The following KCTD16 variants were observed in gnomAD, a reference collection of about 807,000 sequenced individuals.
KCTD16 encodes BTB/POZ domain-containing protein KCTD16.
Under a neutral mutation model 33.2 loss-of-function variants are expected in KCTD16, and 13 were observed. The ratio of observed to expected loss-of-function variants is 0.39; its 90% confidence interval spans 0.25 to 0.62. The LOEUF (loss-of-function observed/expected upper bound fraction) is 0.62, where lower values mean the gene tolerates loss of function less well. Among genes scored for constraint, KCTD16 ranks in the 20% least tolerant of loss-of-function variants. The pLI, the probability that KCTD16 is intolerant of heterozygous loss-of-function variation, is 0.50. For missense variants in KCTD16, 441 were observed against 525.1 expected, an observed-to-expected ratio of 0.84 and a Z score of 1.57; for synonymous variants, 197 against 195.3, an observed-to-expected ratio of 1.01 and a Z score of -0.07.
In KCTD16 at chr5:144,478,129, C is replaced by A. The variant is rs1483674294; in HGVS notation, c.*4015C>A. 1.3e-5 allele frequency: 2 copies of A among 151,866 alleles called. No homozygotes were observed. The highest frequency in any genetic ancestry group is 2.9e-5 in the Non-Finnish European group (2 of 67,918). The allele number at this position is 151,866 out of a possible 1,614,324, so 9.4% of individuals were successfully genotyped here. On this transcript the variant is annotated 3_prime_UTR_variant, in exon 4 of 4. Coordinates refer to ENST00000512467, the MANE Select transcript of KCTD16 (RefSeq NM_020768.4). ...CCCACAGTTTCAATTTATTTATTTT[C>A]TTTTATATTGTCAAAATAGCACACT...
In KCTD16 at chr5:144,485,552, G is replaced by T. The variant is rs954862902; in HGVS notation, c.*11438G>T. The T allele has an allele frequency of 6.6e-6, 1 of 151,844 alleles. No homozygotes were observed. Among genetic ancestry groups the T allele is most frequent in the African/African-American group, 2.4e-5 (1 of 41,388 alleles). 9.4% of individuals were successfully genotyped at this position (151,844 alleles called of 1,614,324 possible). ...TTCTGTGGATATATTTTAAAAGGAA[G>T]AACAGAAACTATATTTCAGATTCTT... On this transcript the variant is annotated 3_prime_UTR_variant, in exon 4 of 4. Transcript: ENST00000512467.
At chr5:144,199,707 ATTTTTTTTTTT>A (rs574670606) in intron 2 of KCTD16, among the ~76,000 whole-genome samples, 15 of 67,724 alleles carry the variant, frequency 2.2e-4, no homozygotes, top group African/African-American at 5.4e-4. Flanking sequence ...GAACAGCTTC[ATTTTTTTTTTT>A]TTTTTTTTTT....
At chr5:144,236,086 T>G (rs907316396) in intron 3 of KCTD16, among the ~76,000 whole-genome samples, 10 of 152,264 alleles carry the variant, frequency 6.6e-5, no homozygotes, top group African/African-American at 2.2e-4. Context: ...ACCAAGGTTT[T>G]CCTGCATGCT....
intron 3 of KCTD16, among the ~76,000 whole-genome samples, chr5:144,265,853 C>G (rs923775744): frequency 6.6e-6 from 1 of 152,020 alleles, no homozygotes; most frequent in African/African-American, 2.4e-5. Context: ...ACGTAATGTG[C>G]CAAGTTCGTA....
intron 2 of KCTD16, among the ~76,000 whole-genome samples, chr5:144,201,595 A>G (rs1753046066): frequency 6.6e-6 from 1 of 152,204 alleles, no homozygotes; most frequent in Non-Finnish European, 1.5e-5. Context: ...GCATCTTCAT[A>G]TTTAGTCCAC....
At chr5:144,424,319 T>G (rs1753275923) in intron 3 of KCTD16, among the ~76,000 whole-genome samples, 1 of 152,184 alleles carries the variant, frequency 6.6e-6, no homozygotes, top group South Asian at 2.1e-4. Flanking sequence ...GTTTTTACAA[T>G]TGTCAATTAT....
intron 3 of KCTD16, among the ~76,000 whole-genome samples, chr5:144,310,338 G>T (rs540112550): frequency 6.6e-6 from 1 of 152,140 alleles, no homozygotes; most frequent in South Asian, 2.1e-4. Flanking sequence ...TTTTGCTATT[G>T]TGAATAGTGC....
intron 3 of KCTD16, among the ~76,000 whole-genome samples, chr5:144,428,297 C>G (rs1269593208): frequency 6.6e-6 from 1 of 152,136 alleles, no homozygotes; most frequent in Non-Finnish European, 1.5e-5. Context: ...ACTCTAGACA[C>G]CAATATCCTG....
chr5:144,371,381 G>A (rs1475912653), intron 3 of KCTD16, among the ~76,000 whole-genome samples: 1 of 152,076 alleles, frequency 6.6e-6, no homozygotes, highest in Non-Finnish European at 1.5e-5. Flanking sequence ...CTACCATGAT[G>A]GAGAGGCAGG....
At position 144,485,657 on chromosome 5, in the gene KCTD16, G is replaced by A. The variant is rs753468263; in HGVS notation, c.*11543G>A. The A allele has an allele frequency of 1.1e-4, 16 of 151,942 alleles. No homozygotes were observed. The highest frequency in any genetic ancestry group is 2.1e-4 in the Non-Finnish European group (14 of 67,882). The allele number at this position is 151,942 out of a possible 1,614,324, so 9.4% of individuals were successfully genotyped here. A position where few individuals can be genotyped will look rare whatever the true frequency, so the allele number is the denominator to read the frequency against. On this transcript the variant is annotated 3_prime_UTR_variant, in exon 4 of 4. Transcript: ENST00000512467. Reference sequence around the variant, plus strand: ...TCCATTTCATATGCATTGTAATTTAGCACAAATCATAATAAATCATTTGGT... The same window carrying A: ...TCCATTTCATATGCATTGTAATTTAACACAAATCATAATAAATCATTTGGT...
At chr5:144,189,495 CAAAAAA>C (rs5871868) in intron 2 of KCTD16, among the ~76,000 whole-genome samples, 1 of 120,574 alleles carries the variant, frequency 8.3e-6, no homozygotes. Flanking sequence ...GACTCCATCT[CAAAAAA>C]AAAAAAAAAG....
Position 144,482,986 on chromosome 5 carries a change from C to T in KCTD16, c.*8872C>T, listed in dbSNP as rs1000461940. On this transcript the variant is annotated 3_prime_UTR_variant, in exon 4 of 4. Transcript: ENST00000512467. ...AAGTGGATATATTTATTTATGGTGC[C>T]GAGAACATTAACAAAATATTTAGAT... The T allele has an allele frequency of 4.6e-5, 7 of 150,692 alleles. No homozygotes were observed. The highest frequency in any genetic ancestry group is 2.1e-4 in the South Asian group (1 of 4,756). The allele number at this position is 150,692 out of a possible 1,614,324, so 9.3% of individuals were successfully genotyped here.
chr5:144,191,562 G>A (rs1451758868), intron 2 of KCTD16, among the ~76,000 whole-genome samples: 2 of 152,110 alleles, frequency 1.3e-5, no homozygotes, highest in Non-Finnish European at 2.9e-5. Context: ...ACTCTGTCTA[G>A]TCATGATATT....
chr5:144,446,188 T>C (rs1753814213), intron 3 of KCTD16, among the ~76,000 whole-genome samples: 4 of 151,940 alleles, frequency 2.6e-5, no homozygotes, highest in Admixed American at 2.0e-4. Flanking sequence ...GTTGATTTTT[T>C]TAAATGTGGG....
intron 3 of KCTD16, among the ~76,000 whole-genome samples, chr5:144,425,944 C>A (rs1195856091): frequency 2.0e-5 from 3 of 152,106 alleles, no homozygotes; most frequent in African/African-American, 4.8e-5. Context: ...TCTCTTTGTC[C>A]CTTGCCACAT....
chr5:144,226,902 C>T (rs1486932074), intron 3 of KCTD16, among the ~76,000 whole-genome samples: 1 of 152,096 alleles, frequency 6.6e-6, no homozygotes, highest in East Asian at 1.9e-4. Flanking sequence ...TACATAATAG[C>T]CAACATTTGA....
Position 144,461,505 on chromosome 5 carries a change from C to T in KCTD16, c.833-12155C>T, listed in dbSNP as rs189149901. Reference sequence around the variant, plus strand: ...TGAGTGCTGTGGAATCTGGCTTCTTCTTTCCATTTTCAGTACCAGTACCCT... The same window carrying T: ...TGAGTGCTGTGGAATCTGGCTTCTTTTTTCCATTTTCAGTACCAGTACCCT... On this transcript the variant is annotated intron_variant, in intron 3 of 3. Transcript: ENST00000512467. 1.2e-3 allele frequency among the ~76,000 whole-genome samples: 179 copies of T among 152,326 alleles called. 1 individual carries two copies. The highest frequency in any genetic ancestry group is 4.0e-3 in the African/African-American group (167 of 41,576).
chr5:144,355,890 G>A (rs1370473413), intron 3 of KCTD16, among the ~76,000 whole-genome samples: 2 of 152,056 alleles, frequency 1.3e-5, no homozygotes, highest in Non-Finnish European at 2.9e-5. Context: ...ATCTATTCTT[G>A]TAAATCAGCT....
Position 144,299,070 on chromosome 5 carries a change from A to ATTTT in KCTD16, c.832+91525_832+91526insTTTT, listed in dbSNP as rs1278686388. ...TATATATATATATATATATATATAT[A>ATTTT]TATTTTTGTATATATATATCACTAT... is the stretch of plus-strand genomic sequence containing the variant. On this transcript the variant is annotated intron_variant, in intron 3 of 3. Coordinates refer to ENST00000512467, the MANE Select transcript of KCTD16 (RefSeq NM_020768.4). Among the ~76,000 whole-genome samples, 133 of 72,990 alleles carry ATTTT rather than the reference A, an allele frequency of 1.8e-3. 1 individual carries two copies. Among genetic ancestry groups the ATTTT allele is most frequent in the Middle Eastern group, 0.013 (2 of 158 alleles). The allele number at this position is 72,990 out of a possible 152,430, so 47.9% of individuals were successfully genotyped here.
Sources: gnomAD v4.1 joint callset for allele counts (sites outside exome capture counted in the v4.1 genomes callset) on GRCh38, gnomAD v4.1.1 for gene constraint, MANE v1.5 for transcripts, NCBI Gene and HGNC (gene_info 2026-07-23, HGNC 2026-07-21) for gene names.